Variants in SNX29 observed in about 807,000 individuals in gnomAD.
SNX29 encodes the protein sorting nexin 29.
SNX29 carries 78 observed loss-of-function variants against 102.1 expected under a neutral mutation model. The ratio of observed to expected loss-of-function variants is 0.76; its 90% CI spans 0.64 to 0.92. SNX29 has a LOEUF of 0.92. SNX29 is among the 40% of genes least tolerant of loss of function. The pLI, the probability that SNX29 is intolerant of heterozygous loss-of-function variation, is 0.00. For missense variants in SNX29, 1,280 were observed against 1,061.7 expected (o/e 1.21, Z -2.86); for synonymous variants, 580 against 414.5 (o/e 1.40, Z -4.85).
chr16:12,354,545 G>A (rs1317620528), intron 15 of SNX29, among the ~76,000 whole-genome samples: 2 of 152,180 alleles, frequency 1.3e-5, no homozygotes, highest in East Asian at 3.9e-4. Context: ...ACAAAACCCT[G>A]CTTGGCTTTG....
chr16:12,037,280 T>A (rs1282796204), intron 4 of SNX29, among the ~76,000 whole-genome samples: 4 of 152,010 alleles, frequency 2.6e-5, no homozygotes, highest in Non-Finnish European at 5.9e-5. Context: ...ATAAAAACAG[T>A]TTGGAGGCCA....
intron 17 of SNX29, among the ~76,000 whole-genome samples, chr16:12,401,992 A>T (rs574308131): frequency 1.3e-5 from 2 of 152,358 alleles, no homozygotes; most frequent in East Asian, 3.9e-4. Flanking sequence ...AAAAGTTAAT[A>T]AAAACCAGAG....
chr16:12,573,782 A>C lies in SNX29; in HGVS notation c.*5153A>C, dbSNP rs531078424. The C allele has an allele frequency of 4.0e-5, 9 of 222,386 alleles. No homozygotes were observed. The highest frequency in any genetic ancestry group is 6.3e-5 in the Non-Finnish European group (7 of 111,330). 13.8% of individuals were successfully genotyped at this position (222,386 alleles called of 1,614,324 possible). On this transcript the variant is annotated 3_prime_UTR_variant, in exon 21 of 21. Coordinates refer to ENST00000566228, the MANE Select transcript of SNX29 (RefSeq NM_032167.5). The stretch of plus-strand genomic sequence containing the variant: ...ACGCTCAGTGACCCCAGAGACCATT[A>C]ATTTCCCGGAGTGAAGGGGATGGGG...
chr16:12,389,637 TA>T (rs201726773), intron 16 of SNX29, among the ~76,000 whole-genome samples: 22 of 150,602 alleles, frequency 1.5e-4, no homozygotes, highest in African/African-American at 2.4e-4. Flanking sequence ...TTTCTAAACT[TA>T]AAAAAAAAAT....
intron 15 of SNX29, among the ~76,000 whole-genome samples, chr16:12,280,499 G>A (rs2079397347): frequency 2.0e-5 from 3 of 152,078 alleles, no homozygotes; most frequent in Non-Finnish European, 4.4e-5. Flanking sequence ...CGTCTTACTG[G>A]CCTCAAGCTT....
At chr16:12,210,416 C>T (rs1372887344) in intron 14 of SNX29, among the ~76,000 whole-genome samples, 1 of 151,140 alleles carries the variant, frequency 6.6e-6, no homozygotes, top group African/African-American at 2.4e-5. Flanking sequence ...CAGCCTCAAC[C>T]TTCTGGGCTC....
chr16:12,253,565 G>A (rs953543013), intron 14 of SNX29, among the ~76,000 whole-genome samples: 1 of 152,140 alleles, frequency 6.6e-6, no homozygotes, highest in Non-Finnish European at 1.5e-5. Context: ...AGTTGCCAAG[G>A]GGGCACTGGC....
intron 11 of SNX29, among the ~76,000 whole-genome samples, chr16:12,091,920 TC>T (rs1259090236): frequency 1.3e-4 from 20 of 152,172 alleles, no homozygotes; most frequent in Non-Finnish European, 2.5e-4. Context: ...ATCTTGGACT[TC>T]CAGCTGCCAG....
intron 19 of SNX29, among the ~76,000 whole-genome samples, chr16:12,511,615 A>G (rs987958780): frequency 8.5e-5 from 13 of 152,178 alleles, no homozygotes; most frequent in African/African-American, 3.1e-4. Flanking sequence ...TGATTTAGGC[A>G]CATCGTCATT....
intron 16 of SNX29, among the ~76,000 whole-genome samples, chr16:12,377,632 C>A (rs1011644345): frequency 6.6e-6 from 1 of 152,016 alleles, no homozygotes; most frequent in Admixed American, 6.6e-5. Context: ...GCGCCCGGTA[C>A]GTAGTAGGCA....
At chr16:12,438,307 T>G (rs2085631476) in intron 18 of SNX29, among the ~76,000 whole-genome samples, 1 of 152,142 alleles carries the variant, frequency 6.6e-6, no homozygotes, top group African/African-American at 2.4e-5. Flanking sequence ...CTTGGGAAAC[T>G]TTGACCTAAT....
chr16:12,188,413 C>G (rs2076565005), intron 13 of SNX29, among the ~76,000 whole-genome samples: 1 of 152,154 alleles, frequency 6.6e-6, no homozygotes, highest in African/African-American at 2.4e-5. Flanking sequence ...GCACAAAGTG[C>G]TGAAATGAGC....
intron 14 of SNX29, among the ~76,000 whole-genome samples, chr16:12,220,814 T>C (rs2077456401): frequency 6.6e-6 from 1 of 152,154 alleles, no homozygotes; most frequent in African/African-American, 2.4e-5. Context: ...CTGTGATGGG[T>C]GTAATTATAA....
At chr16:12,195,946 G>A (rs2141939396) in intron 13 of SNX29, among the ~76,000 whole-genome samples, 1 of 150,820 alleles carries the variant, frequency 6.6e-6, no homozygotes, top group East Asian at 2.0e-4. Flanking sequence ...TGAGTTTTTG[G>A]ATAGTTCAAT....
At chr16:12,518,774 A>G (rs890466706) in intron 19 of SNX29, among the ~76,000 whole-genome samples, 17 of 152,172 alleles carry the variant, frequency 1.1e-4, no homozygotes, top group South Asian at 2.1e-4. Context: ...GTTATCACCA[A>G]TGGGGTAGGA....
chr16:12,042,133 T>G (rs1261127820), intron 4 of SNX29, among the ~76,000 whole-genome samples: 1 of 152,130 alleles, frequency 6.6e-6, no homozygotes, highest in African/African-American at 2.4e-5. Context: ...TGGGTTTAAG[T>G]GATTCTCCTG....
intron 11 of SNX29, among the ~76,000 whole-genome samples, chr16:12,122,907 A>T (rs1341416270): frequency 6.6e-6 from 1 of 152,064 alleles, no homozygotes. Flanking sequence ...GCTCACTGCA[A>T]TCTCTGCCTC....
Position 12,145,164 on chromosome 16 carries a change from A to G in SNX29, c.1595+15406A>G, listed in dbSNP as rs143950756. Among the ~76,000 whole-genome samples the G allele has an allele frequency of 5.8e-3, 880 of 152,158 alleles. 8 individuals are homozygous for G. Among genetic ancestry groups the G allele is most frequent in the African/African-American group, 0.02 (839 of 41,516 alleles). On this transcript the variant is annotated intron_variant, in intron 13 of 20. Coordinates refer to ENST00000566228, the MANE Select transcript of SNX29 (RefSeq NM_032167.5). ...GGATTCTACCATGGAATTCTGCCAT[A>G]CCTGAGATTTCTTGAGGGAACTCTT...
At chr16:12,479,068 A>G (rs1045888806) in intron 19 of SNX29, among the ~76,000 whole-genome samples, 20 of 152,176 alleles carry the variant, frequency 1.3e-4, no homozygotes, top group African/African-American at 4.8e-4. Context: ...GACCCCAGCT[A>G]GCAGCAGCAG....
Sources: allele counts gnomAD v4.1 joint callset (sites outside exome capture counted in the v4.1 genomes callset), GRCh38; gene constraint gnomAD v4.1.1; transcripts MANE v1.5; gene names NCBI Gene and HGNC (gene_info 2026-07-23, HGNC 2026-07-21).